Variants in RASEF observed in about 807,000 individuals in gnomAD.
RASEF encodes RAS and EF-hand domain containing.
Under a neutral mutation model 90.1 loss-of-function variants are expected in RASEF, and 68 were observed. The ratio of observed to expected loss-of-function variants is 0.75; its 90% confidence interval spans 0.62 to 0.92. RASEF has a LOEUF of 0.92. Ranked by LOEUF, RASEF falls within the 40% of genes least tolerant of loss-of-function variation. RASEF has a pLI of 0.00. For missense variants in RASEF, 949 were observed against 937.2 expected, an observed-to-expected ratio of 1.01 and a Z score of -0.16; for synonymous variants, 331 against 345.2, an observed-to-expected ratio of 0.96 and a Z score of 0.46.
At chr9:83,138,453 T>C in the RASEF span, among the ~76,000 whole-genome samples, 1 of 152,206 alleles carries the variant, frequency 6.6e-6, no homozygotes. Flanking sequence ...TGATTTAAAC[T>C]TGACACCATA....
At chr9:83,012,060 G>A (rs146458712) in intron 5 of RASEF, among the ~76,000 whole-genome samples, 6 of 151,670 alleles carry the variant, frequency 4.0e-5, no homozygotes, top group Non-Finnish European at 8.8e-5. Context: ...TGTGGCTGGC[G>A]TAAGATGGAA....
At chr9:83,015,751 A>G in intron 4 of RASEF, 54 bp downstream of exon 4, 2 of 1,261,750 alleles carry the variant, frequency 1.6e-6, no homozygotes, top group East Asian at 2.3e-5. Flanking sequence ...TTAATGGCTT[A>G]GATACCCTGA....
intron 9 of RASEF, 136 bp from the exon 10 acceptor site, chr9:83,001,266 G>C: frequency 1.6e-6 from 1 of 614,394 alleles, no homozygotes; most frequent in Non-Finnish European, 2.9e-6. Context: ...TTCATGATTA[G>C]GCATTAGGGG....
At chr9:83,218,708 G>A in the RASEF span, among the ~76,000 whole-genome samples, 1 of 152,220 alleles carries the variant, frequency 6.6e-6, no homozygotes, top group Admixed American at 6.5e-5. Flanking sequence ...AGATGTTTCT[G>A]AGAGCACCGC....
the RASEF span, among the ~76,000 whole-genome samples, chr9:83,075,629 A>T: frequency 6.6e-6 from 1 of 152,172 alleles, no homozygotes; most frequent in African/African-American, 2.4e-5. Context: ...TGATCTCAAA[A>T]CACTCAAAAA....
the RASEF span, among the ~76,000 whole-genome samples, chr9:83,196,027 C>T: frequency 5.6e-4 from 85 of 152,054 alleles, no homozygotes; most frequent in Middle Eastern, 3.4e-3. Context: ...GGACACGGCA[C>T]ACGAAAGAGA....
At chr9:83,174,823 C>T in the RASEF span, among the ~76,000 whole-genome samples, 3 of 152,078 alleles carry the variant, frequency 2.0e-5, no homozygotes, top group Admixed American at 6.6e-5. Context: ...TTGTAACAGT[C>T]TACTTTGCAT....
chr9:83,176,952 T>C, the RASEF span, among the ~76,000 whole-genome samples: 16 of 152,114 alleles, frequency 1.1e-4, no homozygotes, highest in Admixed American at 9.8e-4. Flanking sequence ...CTTCTTATTA[T>C]TTCTGGTTCT....
the RASEF span, among the ~76,000 whole-genome samples, chr9:83,072,361 C>A: frequency 6.6e-6 from 1 of 152,282 alleles, no homozygotes; most frequent in South Asian, 2.1e-4. Flanking sequence ...TATCCTTTCC[C>A]CACTTTGCCA....
chr9:83,119,416 C>T, the RASEF span, among the ~76,000 whole-genome samples: 1 of 152,144 alleles, frequency 6.6e-6, no homozygotes, highest in African/African-American at 2.4e-5. Flanking sequence ...GGAAACTTTT[C>T]ACATTGAAAA....
chr9:83,161,048 C>T, the RASEF span, among the ~76,000 whole-genome samples: 1 of 152,170 alleles, frequency 6.6e-6, no homozygotes, highest in African/African-American at 2.4e-5. Context: ...CGGTGGGGCC[C>T]TCATAGAGAA....
At chr9:83,120,844 G>A in the RASEF span, among the ~76,000 whole-genome samples, 94 of 152,242 alleles carry the variant, frequency 6.2e-4, no homozygotes, top group Non-Finnish European at 1.2e-3. Context: ...CAATGTAAGA[G>A]CCTTTGAGAA....
intron 3 of RASEF, among the ~76,000 whole-genome samples, chr9:83,016,945 GA>G (rs1829352731): frequency 6.6e-6 from 1 of 152,124 alleles, no homozygotes; most frequent in Admixed American, 6.5e-5. Context: ...TAATCCATGT[GA>G]AATGCTTGGC....
chr9:83,020,603 TTGCTGTGGAATAGAGAAATGA>T (rs1564079653), intron 3 of RASEF, among the ~76,000 whole-genome samples: 1 of 152,168 alleles, frequency 6.6e-6, no homozygotes, highest in African/African-American at 2.4e-5. Flanking sequence ...ACATGTGTCA[TTGCTGTGGAATAGAGAAATGA>T]TGCTGTGGAT....
chr9:83,060,350 T>C (rs1830182103), intron 1 of RASEF, among the ~76,000 whole-genome samples: 1 of 152,262 alleles, frequency 6.6e-6, no homozygotes, highest in Non-Finnish European at 1.5e-5. Flanking sequence ...TGCAGCCGTC[T>C]GTTGGGCTAT....
chr9:83,058,066 C>G (rs534374412), intron 1 of RASEF, among the ~76,000 whole-genome samples: 3 of 150,888 alleles, frequency 2.0e-5, no homozygotes, highest in African/African-American at 7.3e-5. Flanking sequence ...CTTCCTTTCC[C>G]CTCCATCTGA....
the RASEF span, among the ~76,000 whole-genome samples, chr9:83,159,739 T>C: frequency 1.3e-5 from 2 of 152,234 alleles, no homozygotes; most frequent in African/African-American, 2.4e-5. Flanking sequence ...AGTTTTGTCT[T>C]GTAAAAATAT....
chr9:83,180,653 T>G, the RASEF span, among the ~76,000 whole-genome samples: 1 of 152,108 alleles, frequency 6.6e-6, no homozygotes, highest in Non-Finnish European at 1.5e-5. Flanking sequence ...TGCCAGGCAC[T>G]GTGGTGGAGG....
At chr9:83,098,079 A>C in the RASEF span, among the ~76,000 whole-genome samples, 2 of 152,198 alleles carry the variant, frequency 1.3e-5, no homozygotes. Flanking sequence ...TGATAGCTCC[A>C]GAGTCCACAC....
Sources: allele counts gnomAD v4.1 joint callset (sites outside exome capture counted in the v4.1 genomes callset), GRCh38; gene constraint gnomAD v4.1.1; transcripts MANE v1.5; gene names NCBI Gene and HGNC (gene_info 2026-07-23, HGNC 2026-07-21).